Variants in DNM2 observed in about 807,000 individuals in gnomAD.
DNM2 encodes the protein dynamin 2, also known as dynamin-2.
In DNM2, 15 loss-of-function variants were observed where a neutral mutation model predicts 99.0. The ratio of observed to expected loss-of-function variants is 0.15; its 90% CI spans 0.10 to 0.23. The LOEUF is 0.23. DNM2 is among the 10% of genes least tolerant of loss of function. The pLI, the probability that DNM2 is intolerant of heterozygous loss-of-function variation, is 1.00. For synonymous variants in DNM2, 525 were observed against 481.2 expected, an observed-to-expected ratio of 1.09 and a Z score of -1.19; for missense variants, 742 against 1,189.4, an observed-to-expected ratio of 0.62 and a Z score of 5.53.
intron 5 of DNM2, chr19:10,781,908 G>A (rs1416268632): frequency 1.3e-5 from 2 of 151,854 alleles, no homozygotes; most frequent in East Asian, 1.9e-4. Context: ...GTGTAGTTTT[G>A]GACTTTCTTT....
intron 7 of DNM2, among the ~76,000 whole-genome samples, chr19:10,787,677 C>T (rs1035333136): frequency 1.3e-5 from 2 of 151,626 alleles, no homozygotes; most frequent in African/African-American, 4.8e-5. Flanking sequence ...ATGACATGAA[C>T]CCAGGAGGCG....
intron 1 of DNM2, among the ~76,000 whole-genome samples, chr19:10,739,988 T>G (rs1054390123): frequency 6.6e-6 from 1 of 152,118 alleles, no homozygotes; most frequent in Non-Finnish European, 1.5e-5. Context: ...TTTCTGTGTC[T>G]TCTTGAGTCA....
In DNM2 at chr19:10,816,511, G is replaced by T. The variant is rs549281597; in HGVS notation, c.1672-3469G>T. On this transcript the variant is annotated intron_variant, in intron 15 of 20. Coordinates refer to ENST00000389253, the MANE Select transcript of DNM2 (RefSeq NM_001005361.3). The surrounding 1 kb of genome is among the most constrained non-coding windows in gnomAD (Gnocchi z 4.6). The stretch of plus-strand genomic sequence containing the variant: ...AGGCGTGGTCTGCAGCCTTCTCCCC[G>T]CCTCAGGCACCTCTAGGAACTCACG... 6.6e-6 allele frequency among the ~76,000 whole-genome samples: 1 copy of T among 152,112 alleles called. No individual in the cohort carries two copies. Among genetic ancestry groups the T allele is most frequent in the African/African-American group, 2.4e-5 (1 of 41,426 alleles).
chr19:10,778,271 G>A (rs1269211483), intron 5 of DNM2, among the ~76,000 whole-genome samples: 1 of 151,492 alleles, frequency 6.6e-6, no homozygotes, highest in African/African-American at 2.4e-5. Flanking sequence ...CTGACCTCGT[G>A]ATCCACCCGC....
intron 2 of DNM2, among the ~76,000 whole-genome samples, chr19:10,767,941 A>G (rs2070852315): frequency 6.6e-6 from 1 of 152,070 alleles, no homozygotes. Context: ...TTGACCTGGC[A>G]TTCAGCATTT....
chr19:10,820,284 C>T lies in DNM2; in HGVS notation c.1781+195C>T, dbSNP rs2072930643. Among the ~76,000 whole-genome samples the T allele has an allele frequency of 6.6e-6, 1 of 152,214 alleles. No homozygotes were observed. Among genetic ancestry groups the T allele is most frequent in the South Asian group, 2.1e-4 (1 of 4,838 alleles). On this transcript the variant is annotated intron_variant, in intron 16 of 20. Coordinates refer to ENST00000389253, the MANE Select transcript of DNM2 (RefSeq NM_001005361.3). The surrounding 1 kb of genome is among the most constrained non-coding windows in gnomAD (Gnocchi z 4.3). ...TCCCGTGCTGGGTCAGAGATGACCT[C>T]TCTGGGCAGAGATGAGGATGAAGGC... is the stretch of plus-strand genomic sequence containing the variant.
At chr19:10,743,148 C>T (rs545706286) in intron 1 of DNM2, among the ~76,000 whole-genome samples, 6 of 151,968 alleles carry the variant, frequency 3.9e-5, no homozygotes, top group Admixed American at 1.3e-4. Context: ...TCAGGTGTTC[C>T]GCCTGCCATG....
At chr19:10,819,904 G>C in intron 15 of DNM2, 76 bp from the exon 16 acceptor site, 20 of 1,385,314 alleles carry the variant, frequency 1.4e-5, no homozygotes, top group Non-Finnish European at 2.0e-5. Context: ...GGTGGCGCAT[G>C]CTACACGCTC....
At chr19:10,733,809 C>A (rs530463619) in intron 1 of DNM2, among the ~76,000 whole-genome samples, 42 of 151,808 alleles carry the variant, frequency 2.8e-4, no homozygotes, top group African/African-American at 9.7e-4. Flanking sequence ...GAGTTCAAGA[C>A]CAGCCTGGCC....
chr19:10,803,105 G>A (rs1189126516), intron 12 of DNM2, among the ~76,000 whole-genome samples: 5 of 152,292 alleles, frequency 3.3e-5, no homozygotes, highest in African/African-American at 1.2e-4. Flanking sequence ...GCAGGGAACC[G>A]ATGGGGACCC....
At chr19:10,769,493 G>A (rs976609405) in intron 2 of DNM2, 2 of 152,314 alleles carry the variant, frequency 1.3e-5, no homozygotes, top group Admixed American at 6.5e-5. Flanking sequence ...ACAGAGGCCT[G>A]CTAGGGAGAG....
chr19:10,788,737 C>A (rs1387920484), intron 7 of DNM2, among the ~76,000 whole-genome samples: 1 of 152,204 alleles, frequency 6.6e-6, no homozygotes, highest in African/African-American at 2.4e-5. Flanking sequence ...TGCCTCTGAC[C>A]TTTTGGCTTT....
At chr19:10,801,450 C>T (rs1250589092) in intron 11 of DNM2, among the ~76,000 whole-genome samples, 1 of 151,640 alleles carries the variant, frequency 6.6e-6, no homozygotes, top group African/African-American at 2.4e-5. Context: ...TGAGACCCCA[C>T]CTCTACAAAA....
chr19:10,783,139 C>A lies in DNM2; in HGVS notation c.849+19C>A, dbSNP rs558595804. 1.9e-6 allele frequency: 3 copies of A among 1,607,268 alleles called. No homozygotes were observed. Among genetic ancestry groups the A allele is most frequent in the East Asian group, 4.5e-5 (2 of 44,900 alleles). ...GAATCAGGTACTGCAAGGGTTTGCA[C>A]GTAGTGTGCAGTGGCATAGGCTGTG... On this transcript the variant is annotated intron_variant, in intron 6 of 20. Coordinates refer to ENST00000389253, the MANE Select transcript of DNM2 (RefSeq NM_001005361.3).
chr19:10,813,859 G>C (rs1427724411), intron 15 of DNM2, among the ~76,000 whole-genome samples: 1 of 148,934 alleles, frequency 6.7e-6, no homozygotes, highest in Non-Finnish European at 1.5e-5. Flanking sequence ...AGAAGAAATA[G>C]ACAATACGTT....
intron 10 of DNM2, chr19:10,798,247 C>A (rs1384596557): frequency 2.8e-5 from 16 of 569,580 alleles, no homozygotes; most frequent in Admixed American, 1.2e-4. Context: ...CCTCCTGCCC[C>A]CCGGTCACTG....
chr19:10,718,535 C>A, intron 1 of DNM2, 132 bp downstream of exon 1: 1 of 1,206,220 alleles, frequency 8.3e-7, no homozygotes, highest in South Asian at 3.3e-5. Context: ...CGGACGGGGT[C>A]GGGGAGGCGG....
At chr19:10,779,630 C>T (rs1196868044) in intron 5 of DNM2, among the ~76,000 whole-genome samples, 2 of 150,824 alleles carry the variant, frequency 1.3e-5, no homozygotes, top group Non-Finnish European at 2.9e-5. Flanking sequence ...AGCTCAGCCT[C>T]CCAAGTATTT....
intron 1 of DNM2, among the ~76,000 whole-genome samples, chr19:10,726,770 G>C (rs1044739293): frequency 6.6e-6 from 1 of 151,958 alleles, no homozygotes; most frequent in Non-Finnish European, 1.5e-5. Context: ...AGGCTGAGGC[G>C]GAGAATCGCT....
Sources: allele counts gnomAD v4.1 joint callset (sites outside exome capture counted in the v4.1 genomes callset), GRCh38; gene constraint gnomAD v4.1.1; non-coding constraint Gnocchi (gnomAD v3.1); transcripts MANE v1.5; gene names NCBI Gene and HGNC (gene_info 2026-07-23, HGNC 2026-07-21).